Variants in HAUS8 observed in about 807,000 individuals in gnomAD.
The protein encoded by HAUS8 is HAUS augmin-like complex subunit 8.
A neutral mutation model predicts 42.9 loss-of-function variants in HAUS8; 38 were observed. That is an observed-to-expected ratio of 0.89 (90% CI 0.68 to 1.16). The LOEUF (loss-of-function observed/expected upper bound fraction) is 1.16. Ranked by LOEUF, HAUS8 falls within the 50% of genes most tolerant of loss-of-function variation. The pLI is 0.00. For synonymous variants in HAUS8, 199 were observed against 205.8 expected, an observed-to-expected ratio of 0.97 and a Z score of 0.28; for missense variants, 494 against 511.6, an observed-to-expected ratio of 0.97 and a Z score of 0.33.
intron 9 of HAUS8, among the ~76,000 whole-genome samples, chr19:17,055,498 T>C (rs1248785430): frequency 5.3e-5 from 8 of 151,948 alleles, no homozygotes; most frequent in Non-Finnish European, 1.2e-4. Context: ...ACCCTATGCC[T>C]GAAAGGGACC....
At chr19:17,069,783 C>CCACTTCCTCCCT (rs1568641947) in intron 2 of HAUS8, among the ~76,000 whole-genome samples, 1 of 152,034 alleles carries the variant, frequency 6.6e-6, no homozygotes, top group East Asian at 1.9e-4. Context: ...CCACCTCCTA[C>CCACTTCCTCCCT]GCCAGGCCCA....
chr19:17,053,829 T>C (rs1012176797), intron 9 of HAUS8: 10 of 151,406 alleles, frequency 6.6e-5, no homozygotes, highest in African/African-American at 2.4e-4. Context: ...CACCTGGCTA[T>C]TTTTTTTGTA....
At chr19:17,071,290 G>C (rs2057422077) in intron 2 of HAUS8, among the ~76,000 whole-genome samples, 1 of 152,216 alleles carries the variant, frequency 6.6e-6, no homozygotes, top group African/African-American at 2.4e-5. Flanking sequence ...GGTACCCTCA[G>C]AGTTAACAAG....
intron 4 of HAUS8, among the ~76,000 whole-genome samples, chr19:17,061,489 C>A (rs1444625093): frequency 6.6e-6 from 1 of 152,116 alleles, no homozygotes; most frequent in Non-Finnish European, 1.5e-5. Context: ...ATTTTATCAT[C>A]AGCATGTATA....
At chr19:17,055,525 G>A (rs1230324229) in intron 9 of HAUS8, among the ~76,000 whole-genome samples, 2 of 151,952 alleles carry the variant, frequency 1.3e-5, no homozygotes, top group African/African-American at 4.8e-5. Context: ...CTCTGCTGAG[G>A]GGGAAAGCCG....
At chr19:17,072,949 C>CAA (rs201634583) in intron 2 of HAUS8, among the ~76,000 whole-genome samples, 12,419 of 84,516 alleles carry the variant, frequency 0.15, 884 homozygotes, top group Non-Finnish European at 0.17. Flanking sequence ...GACCCCAACT[C>CAA]AAAAAAAAAA....
intron 9 of HAUS8, chr19:17,055,144 ATATATATATATAT>A (rs1277844143): frequency 8.4e-4 from 2 of 2,380 alleles, no homozygotes; most frequent in Non-Finnish European, 1.4e-3. Context: ...AAAAAAAAAA[ATATATATATATAT>A]ATATATATAT....
chr19:17,068,278 T>C (rs1446487408), intron 3 of HAUS8, among the ~76,000 whole-genome samples: 1 of 151,996 alleles, frequency 6.6e-6, no homozygotes, highest in African/African-American at 2.4e-5. Context: ...TGCATCCGGC[T>C]AATTTTTGTA....
chr19:17,075,443 G>T lies in HAUS8; in HGVS notation c.-21C>A. On this transcript the variant is annotated 5_prime_UTR_variant, in exon 1 of 11. Coordinates refer to ENST00000253669, the MANE Select transcript of HAUS8 (RefSeq NM_033417.2). ...GCCATTTTCCCGCCTTCCACCTCAA[G>T]GCCCGACCCGCCGGCTTTTCAAAGC... 1 of 1,613,338 alleles carries T rather than the reference G, an allele frequency of 6.2e-7. No individual in the cohort carries two copies. The highest frequency in any genetic ancestry group is 2.2e-5 in the East Asian group (1 of 44,864).
At chr19:17,056,683 C>T (rs140187615) in intron 8 of HAUS8, among the ~76,000 whole-genome samples, 1 of 152,212 alleles carries the variant, frequency 6.6e-6, no homozygotes, top group African/African-American at 2.4e-5. Flanking sequence ...CTCTGCCTCC[C>T]GGGTTCCAGC....
At chr19:17,059,949 T>C in intron 5 of HAUS8, 48 bp downstream of exon 5, 1 of 1,372,832 alleles carries the variant, frequency 7.3e-7, no homozygotes, top group South Asian at 1.2e-5. Context: ...CACTGAGACC[T>C]ACTGCAACCC....
chr19:17,051,489 G>A (rs1383977230), intron 10 of HAUS8, among the ~76,000 whole-genome samples: 1 of 151,676 alleles, frequency 6.6e-6, no homozygotes, highest in Non-Finnish European at 1.5e-5. Context: ...TAAGATCTGG[G>A]CCATTTCTAT....
At chr19:17,067,194 G>C in intron 3 of HAUS8, among the ~76,000 whole-genome samples, 1 of 116,332 alleles carries the variant, frequency 8.6e-6, no homozygotes, top group South Asian at 3.0e-4. Flanking sequence ...AACAGAGCGA[G>C]ACTCCATCTC....
intron 9 of HAUS8, among the ~76,000 whole-genome samples, chr19:17,055,523 A>C (rs1396071860): frequency 8.6e-5 from 13 of 151,834 alleles, no homozygotes; most frequent in Non-Finnish European, 1.6e-4. Flanking sequence ...TGCTCTGCTG[A>C]GGGGGAAAGC....
chr19:17,052,692 A>C (rs929947355), intron 10 of HAUS8, 133 bp downstream of exon 10: 1 of 866,736 alleles, frequency 1.2e-6, no homozygotes, highest in South Asian at 1.6e-5. Flanking sequence ...CGTCTGGGAA[A>C]AGAGCAGCTC....
intron 4 of HAUS8, among the ~76,000 whole-genome samples, chr19:17,061,877 C>T (rs1275768529): frequency 6.6e-6 from 1 of 152,218 alleles, no homozygotes; most frequent in East Asian, 1.9e-4. Flanking sequence ...GCATGGCCTT[C>T]AACCCAATTA....
chr19:17,070,566 C>T (rs1365894068), intron 2 of HAUS8, among the ~76,000 whole-genome samples: 1 of 152,216 alleles, frequency 6.6e-6, no homozygotes, highest in Non-Finnish European at 1.5e-5. Context: ...TCTCTCAAGG[C>T]TCTGCTCAGT....
In HAUS8 at chr19:17,068,793, C is replaced by A. The variant is rs552903987; in HGVS notation, c.147+238G>T. 7.2e-5 allele frequency among the ~76,000 whole-genome samples: 11 copies of A among 152,150 alleles called. No individual in the cohort carries two copies. The South Asian group carries it at 2.3e-3, about 32-fold the overall frequency. On this transcript the variant is annotated intron_variant, in intron 3 of 10. Coordinates refer to ENST00000253669, the MANE Select transcript of HAUS8 (RefSeq NM_033417.2). ...ACAAAAAAAAAGGGTAAGAACGATA[C>A]CATGTTTCAATGGAGATCACAGCTT...
At chr19:17,075,520 G>A, upstream of HAUS8, 1 of 1,380,378 alleles carries the variant, frequency 7.2e-7, no homozygotes, top group South Asian at 1.2e-5. Context: ...ACGCAGGAGG[G>A]GTGGCTGCGA....
Sources: gnomAD v4.1 joint callset for allele counts (sites outside exome capture counted in the v4.1 genomes callset) on GRCh38, gnomAD v4.1.1 for gene constraint, MANE v1.5 for transcripts, NCBI Gene and HGNC (gene_info 2026-07-23, HGNC 2026-07-21) for gene names.